BIRC6: variants seen among roughly 807,000 people sequenced by gnomAD.
The protein encoded by BIRC6 is baculoviral IAP repeat containing 6.
In BIRC6, 98 loss-of-function variants were observed where a neutral mutation model predicts 503.3. That is an observed-to-expected ratio of 0.19 (90% confidence interval 0.17 to 0.23). BIRC6 has a LOEUF of 0.23. Among genes scored for constraint, BIRC6 ranks in the 10% least tolerant of loss-of-function variants. BIRC6 has a pLI of 1.00. For missense variants in BIRC6, 5,360 were observed against 5,806.0 expected (o/e 0.92, Z 2.50); for synonymous variants, 2,240 against 2,078.7 (o/e 1.08, Z -2.11).
At chr2:32,467,767 T>TA (rs763158736) in intron 27 of BIRC6, 28 bp downstream of exon 27, 5 of 1,576,058 alleles carry the variant, frequency 3.2e-6, no homozygotes, top group Admixed American at 3.6e-5. Context: ...AGTAAATTGA[T>TA]ACGCTTTCTA....
At chr2:32,478,500 T>A (rs2050022727) in intron 35 of BIRC6, 135 bp from the exon 36 acceptor site, 4 of 585,838 alleles carry the variant, frequency 6.8e-6, no homozygotes, top group Non-Finnish European at 1.1e-5. Context: ...TCTCAAGCAA[T>A]TTTTTTTGAT....
At chr2:32,488,099 A>T (rs1005447621) in intron 41 of BIRC6, among the ~76,000 whole-genome samples, 5 of 152,108 alleles carry the variant, frequency 3.3e-5, no homozygotes, top group African/African-American at 1.2e-4. Flanking sequence ...CTAGCTACTC[A>T]GGAGGCTGAG....
intron 61 of BIRC6, among the ~76,000 whole-genome samples, chr2:32,542,245 A>T (rs1361722859): frequency 6.6e-6 from 1 of 152,060 alleles, no homozygotes; most frequent in Non-Finnish European, 1.5e-5. Context: ...CATTTTAAAA[A>T]TTTTCTACTA....
chr2:32,447,503 A>C (rs1368473499), intron 21 of BIRC6, among the ~76,000 whole-genome samples: 15 of 126,908 alleles, frequency 1.2e-4, no homozygotes, highest in Non-Finnish European at 2.5e-4. Context: ...TCCCTCCCGG[A>C]CGGGGCGGCT....
At chr2:32,470,982 G>C (rs2049037804) in intron 31 of BIRC6, 32 bp from the exon 32 acceptor site, 2 of 1,549,238 alleles carry the variant, frequency 1.3e-6, no homozygotes, top group South Asian at 2.4e-5. Flanking sequence ...AAGTCATCTG[G>C]ATGTTTTTCC....
At chr2:32,495,480 C>A (rs922982727) in intron 45 of BIRC6, among the ~76,000 whole-genome samples, 2 of 152,124 alleles carry the variant, frequency 1.3e-5, no homozygotes, top group East Asian at 3.8e-4. Flanking sequence ...TAATAATATA[C>A]ACTGAAAGAA....
At chr2:32,444,589 A>T (rs1257425747) in intron 20 of BIRC6, among the ~76,000 whole-genome samples, 1 of 152,208 alleles carries the variant, frequency 6.6e-6, no homozygotes, top group Non-Finnish European at 1.5e-5. Flanking sequence ...GTTTTATTAA[A>T]AAACAAACCA....
At chr2:32,532,133 T>TGGTGTGTGTGTG (rs780165363) in intron 61 of BIRC6, 1 of 80,724 alleles carries the variant, frequency 1.2e-5, no homozygotes, top group African/African-American at 1.3e-4. Flanking sequence ...TGATTTCATG[T>TGGTGTGTGTGTG]CGTGTGTGTG....
In BIRC6 at chr2:32,503,024, T is replaced by C. The variant is rs145056232; in HGVS notation, c.9305-18T>C. 8.0e-4 allele frequency: 1,237 copies of C among 1,555,870 alleles called. 9 individuals are homozygous for C. In the African/African-American group the frequency reaches 0.015, roughly 19 times the overall value. ...CTGTCCTGAGATCGATTTCATTTCA[T>C]ATTCTTTATAAATTTAGGTGGTGTT... On this transcript the variant is annotated intron_variant, in intron 48 of 73. Coordinates refer to ENST00000421745, the MANE Select transcript of BIRC6 (RefSeq NM_016252.4).
intron 34 of BIRC6, 143 bp from the exon 35 acceptor site, chr2:32,477,225 A>T (rs942970712): frequency 1.2e-5 from 8 of 678,798 alleles, no homozygotes; most frequent in East Asian, 1.1e-4. Flanking sequence ...TAATATTCTT[A>T]CTTTTGAAAC....
In BIRC6 at chr2:32,551,246, A is replaced by G. The variant is rs1360298543; in HGVS notation, c.13144+1765A>G. 7.3e-5 allele frequency among the ~76,000 whole-genome samples: 11 copies of G among 151,622 alleles called. No homozygotes were observed. In the East Asian group the frequency reaches 1.9e-3, roughly 27 times the overall value. On this transcript the variant is annotated intron_variant, in intron 65 of 73. Coordinates refer to ENST00000421745, the MANE Select transcript of BIRC6 (RefSeq NM_016252.4). ...TAAATATATAAATATATAATTAGTT[A>G]TCAGTTTTGGTTAGAATAGTAATAA...
chr2:32,461,376 G>A (rs1305922694), intron 23 of BIRC6, among the ~76,000 whole-genome samples: 2 of 149,976 alleles, frequency 1.3e-5, no homozygotes, highest in East Asian at 3.9e-4. Context: ...GTGTGTGTGT[G>A]TGTGTGTTTA....
rs774077496 is a variant in BIRC6 at position 32,575,410 on chromosome 2, A to G, written c.13355+44A>G. On this transcript the variant is annotated intron_variant, in intron 66 of 73. Coordinates refer to ENST00000421745, the MANE Select transcript of BIRC6 (RefSeq NM_016252.4). ...ATTTCTCTTGAGTTTGCCTCTAACA[A>G]TGTTTTTAAAATAACTCCATGGGTG... The G allele has an allele frequency of 1.9e-5, 29 of 1,565,472 alleles. 1 individual carries two copies. The East Asian group carries it at 4.3e-4, about 23-fold the overall frequency.
In BIRC6 at chr2:32,436,138, A is replaced by G. The variant is rs768370839; in HGVS notation, c.3585A>G (p.Ser1195=). The G allele has an allele frequency of 1.1e-5, 17 of 1,487,324 alleles. No homozygotes were observed. Among genetic ancestry groups the G allele is most frequent in the Non-Finnish European group, 1.4e-5 (16 of 1,103,762 alleles). 92.1% of individuals were successfully genotyped at this position (1,487,324 alleles called of 1,614,324 possible). Residue 1195 remains serine (S), a synonymous_variant, in exon 15 of 74, where the codon TCA becomes TCG. Coordinates refer to ENST00000421745, the MANE Select transcript of BIRC6 (RefSeq NM_016252.4). The part of the protein sequence containing the change: ...PVWLASGLDL[S]GHAGMLTLTS... ...GGCTTGCTAGTGGCCTTGATCTATC[A>G]GGGCATGCTGGAATGTTGACGTTAA...
intron 33 of BIRC6, 131 bp from the exon 34 acceptor site, chr2:32,476,082 G>A (rs1389088788): frequency 1.9e-5 from 13 of 668,002 alleles, no homozygotes; most frequent in Non-Finnish European, 3.0e-5. Context: ...TATCATCACA[G>A]TTAAAATTAT....
intron 39 of BIRC6, among the ~76,000 whole-genome samples, chr2:32,484,349 C>T (rs529728280): frequency 2.0e-5 from 3 of 152,064 alleles, no homozygotes; most frequent in Non-Finnish European, 4.4e-5. Flanking sequence ...GTCAAGAGTT[C>T]GAGACCAGCC....
At chr2:32,577,495 A>G (rs1304816160) in intron 66 of BIRC6, among the ~76,000 whole-genome samples, 1 of 152,178 alleles carries the variant, frequency 6.6e-6, no homozygotes, top group African/African-American at 2.4e-5. Context: ...CAAAGTGAAA[A>G]TAAAACCAGT....
Position 32,477,425 on chromosome 2 carries a change from G to A in BIRC6, c.6910G>A (p.Asp2304Asn). 4 of 1,613,948 alleles carry A rather than the reference G, an allele frequency of 2.5e-6. No homozygotes were observed. Among genetic ancestry groups the A allele is most frequent in the African/African-American group, 1.3e-5 (1 of 75,012 alleles). The part of the protein sequence containing the change: ...RTAEWSRSNL[D>N]TEVTTAKESP... ...AGCAGAATGGTCCCGTTCTAATTTA[G>A]ACACAGAAGTTACAACAGCAAAAGA... The change falls in exon 35 of 74, where the codon GAC becomes AAC. Residue 2304 changes from aspartate (D) to asparagine (N), a missense_variant. This residue lies in a region of BIRC6 where 2,299 missense variants were observed against 2,267.2 expected (regional missense o/e 1.01). Coordinates refer to ENST00000421745, the MANE Select transcript of BIRC6 (RefSeq NM_016252.4).
At chr2:32,468,963 A>G (rs1572445946) in intron 29 of BIRC6, among the ~76,000 whole-genome samples, 180 bp downstream of exon 29, 1 of 152,352 alleles carries the variant, frequency 6.6e-6, no homozygotes, top group Non-Finnish European at 1.5e-5. Context: ...AACATTTCTT[A>G]AATGAAGTTG....
Sources: gnomAD v4.1 joint callset for allele counts (sites outside exome capture counted in the v4.1 genomes callset) on GRCh38, gnomAD v4.1.1 for gene constraint, gnomAD v4.1.1 regional missense constraint, MANE v1.5 for transcripts, NCBI Gene and HGNC (gene_info 2026-07-23, HGNC 2026-07-21) for gene names.